Variants in ANAPC4 observed in about 807,000 individuals in gnomAD.
ANAPC4 encodes the protein anaphase-promoting complex subunit 4.
Under a neutral mutation model 119.8 loss-of-function variants are expected in ANAPC4, and 63 were observed. That is an observed-to-expected ratio of 0.53 (90% confidence interval 0.43 to 0.65). The LOEUF (loss-of-function observed/expected upper bound fraction) is 0.65, where lower values mean the gene tolerates loss of function less well. Ranked by LOEUF, ANAPC4 falls within the 30% of genes least tolerant of loss-of-function variation. ANAPC4 has a pLI of 0.00. For synonymous variants in ANAPC4, 283 were observed against 318.6 expected (o/e 0.89, Z 1.19); for missense variants, 716 against 945.1 (o/e 0.76, Z 3.18).
chr4:25,377,624 G>A lies in ANAPC4; in HGVS notation c.129+68G>A, dbSNP rs965117971. Reference sequence around the variant, plus strand: ...CGGGGGGCCCAAGAACACCGAGCCCGAGCCTGTTCATTCGGGCCACAGGCG... The same window carrying A: ...CGGGGGGCCCAAGAACACCGAGCCCAAGCCTGTTCATTCGGGCCACAGGCG... On this transcript the variant is annotated intron_variant, in intron 2 of 28. Coordinates refer to ENST00000315368, the MANE Select transcript of ANAPC4 (RefSeq NM_013367.3). The A allele has an allele frequency of 2.4e-5, 37 of 1,518,668 alleles. No homozygotes were observed. In the Admixed American group the frequency reaches 3.0e-4, roughly 12 times the overall value. 94.1% of individuals were successfully genotyped at this position (1,518,668 alleles called of 1,614,324 possible). A position where few individuals can be genotyped will look rare whatever the true frequency, so the allele number is the denominator to read the frequency against.
At chr4:25,414,223 T>C (rs1308102854) in intron 22 of ANAPC4, 101 bp from the exon 23 acceptor site, 2 of 833,252 alleles carry the variant, frequency 2.4e-6, no homozygotes, top group Non-Finnish European at 3.6e-6. Flanking sequence ...ATGTAGGCGA[T>C]TTTTTTACCA....
rs1416408190 is a variant in ANAPC4, at chr4:25,415,537, G to A, written c.1898G>A (p.Arg633Lys). ...TATGCCACAACAGAAAAAGTCAGAA[G>A]AAGGTAAGTCTTGAATCTTGTTTGG... ...FTYATTEKVR[R>K]SIYSCLDAQF... The change falls in exon 26 of 29, where the codon AGA becomes AAA. Residue 633 changes from arginine to lysine, a missense_variant. This residue lies in a region of ANAPC4 where 504 missense variants were observed against 615.8 expected (regional missense o/e 0.82). Coordinates refer to ENST00000315368, the MANE Select transcript of ANAPC4 (RefSeq NM_013367.3). The A allele has an allele frequency of 6.2e-7, 1 of 1,612,036 alleles. No homozygotes were observed. The highest frequency in any genetic ancestry group is 1.3e-5 in the African/African-American group (1 of 74,862).
rs1210745515 is a variant in ANAPC4 at position 25,379,060 on chromosome 4, G to C, written c.130-1314G>C. 2.0e-5 allele frequency among the ~76,000 whole-genome samples: 3 copies of C among 152,186 alleles called. No individual in the cohort carries two copies. In the East Asian group the frequency reaches 5.8e-4, roughly 29 times the overall value. ...TAGACTGTATCCTGGTGAGGTCAAA[G>C]AATTGGAGTTGAGTGTTGTAGAGAT... On this transcript the variant is annotated intron_variant, in intron 2 of 28. Transcript: ENST00000315368.
In ANAPC4 at chr4:25,406,709, C is replaced by A. The variant is rs1723269614; in HGVS notation, c.1318-120C>A. ...TCTATATTTCTTTGAAAGAACTTTG[C>A]CAGTTTTCCCATGGCTTTTAGTAGA... On this transcript the variant is annotated intron_variant, in intron 18 of 28. Coordinates refer to ENST00000315368, the MANE Select transcript of ANAPC4 (RefSeq NM_013367.3). 6 of 733,730 alleles carry A rather than the reference C, an allele frequency of 8.2e-6. No individual in the cohort carries two copies. The South Asian group carries it at 1.0e-4, about 13-fold the overall frequency. 45.5% of individuals were successfully genotyped at this position (733,730 alleles called of 1,614,324 possible).
At chr4:25,379,998 G>A (rs1721621482) in intron 2 of ANAPC4, among the ~76,000 whole-genome samples, 1 of 152,248 alleles carries the variant, frequency 6.6e-6, no homozygotes, top group Admixed American at 6.5e-5. Flanking sequence ...GAGTGACACA[G>A]CTGAAACTAG....
Position 25,377,310 on chromosome 4 carries a change from G to A in ANAPC4, c.-45G>A. The A allele has an allele frequency of 2.1e-6, 3 of 1,399,404 alleles. No individual in the cohort carries two copies. The highest frequency in any genetic ancestry group is 2.9e-6 in the Non-Finnish European group (3 of 1,044,736). The allele number at this position is 1,399,404 out of a possible 1,614,324, so 86.7% of individuals were successfully genotyped here. A position where few individuals can be genotyped will look rare whatever the true frequency, so the allele number is the denominator to read the frequency against. On this transcript the variant is annotated 5_prime_UTR_variant, in exon 1 of 29. Transcript: ENST00000315368. Reference sequence around the variant, plus strand: ...GGCAGAGGGAGGGGAGAGGCCACTGGGGCCGTGTTAGTCTGCCGGTGGGGA... The same window carrying A: ...GGCAGAGGGAGGGGAGAGGCCACTGAGGCCGTGTTAGTCTGCCGGTGGGGA...
chr4:25,389,961 T>C (rs1722252871), intron 7 of ANAPC4, among the ~76,000 whole-genome samples, 175 bp from the exon 8 acceptor site: 1 of 152,184 alleles, frequency 6.6e-6, no homozygotes, highest in Non-Finnish European at 1.5e-5. Context: ...AAAAAAGGAA[T>C]GAGCCTGATG....
chr4:25,409,865 C>A, intron 21 of ANAPC4, 74 bp downstream of exon 21: 1 of 1,053,270 alleles, frequency 9.5e-7, no homozygotes, highest in South Asian at 1.4e-5. Flanking sequence ...GTTCTGCTAA[C>A]AGTTTTGCTG....
At position 25,416,775 on chromosome 4, in the gene ANAPC4, T is replaced by C. The variant is rs1436805794; in HGVS notation, c.2075+177T>C. The stretch of plus-strand genomic sequence containing the variant: ...TTCAAAATATGCTGGCCTTAATAGC[T>C]TTTTTTGTCCCTTTGCTTTACTAGT... On this transcript the variant is annotated intron_variant, in intron 27 of 28. Transcript: ENST00000315368. 1.2e-5 allele frequency: 5 copies of C among 420,258 alleles called. No homozygotes were observed. In the East Asian group the frequency reaches 1.5e-4, roughly 13 times the overall value. 26.0% of individuals were successfully genotyped at this position (420,258 alleles called of 1,614,324 possible).
chr4:25,402,963 C>T lies in ANAPC4; in HGVS notation c.1215-8C>T, dbSNP rs779044909. ...CTTATTTCTGATTTTTTGTTTTTATCTCTTTAGAGTTATAGATAGTAGTAT... is the reference window on the plus strand; with the variant it reads ...CTTATTTCTGATTTTTTGTTTTTATTTCTTTAGAGTTATAGATAGTAGTAT... On this transcript the variant is annotated splice_polypyrimidine_tract_variant and splice_region_variant and intron_variant, in intron 16 of 28. Coordinates refer to ENST00000315368, the MANE Select transcript of ANAPC4 (RefSeq NM_013367.3). 2 of 1,536,444 alleles carry T rather than the reference C, an allele frequency of 1.3e-6. No individual in the cohort carries two copies. Among genetic ancestry groups the T allele is most frequent in the Non-Finnish European group, 1.8e-6 (2 of 1,124,206 alleles).
intron 21 of ANAPC4, among the ~76,000 whole-genome samples, chr4:25,412,112 C>A (rs1577399776): frequency 6.6e-6 from 1 of 152,052 alleles, no homozygotes; most frequent in Non-Finnish European, 1.5e-5. Flanking sequence ...TCACAAAACT[C>A]CGGGAAACAT....
chr4:25,414,957 C>T (rs150734179), intron 25 of ANAPC4, among the ~76,000 whole-genome samples: 2 of 152,000 alleles, frequency 1.3e-5, no homozygotes, highest in African/African-American at 4.8e-5. Flanking sequence ...TATGACAGCT[C>T]AGGATATTAT....
chr4:25,406,243 G>A (rs1319630182), intron 18 of ANAPC4, among the ~76,000 whole-genome samples: 1 of 152,188 alleles, frequency 6.6e-6, no homozygotes, highest in Non-Finnish European at 1.5e-5. Flanking sequence ...TTGCTAAGTC[G>A]ATCTTTTGCA....
At position 25,407,202 on chromosome 4, in the gene ANAPC4, A is replaced by T. The variant is rs929448172; in HGVS notation, c.1380A>T (p.Pro460=). 6.2e-7 allele frequency: 1 copy of T among 1,604,950 alleles called. No homozygotes were observed. The highest frequency in any genetic ancestry group is 8.5e-7 in the Non-Finnish European group (1 of 1,176,726). ...CTATGTTTATTTTTTTCCAGGCTCCAGACCTTTATAATCGAAAAGGAAAAT... is the reference window on the plus strand; with the variant it reads ...CTATGTTTATTTTTTTCCAGGCTCCTGACCTTTATAATCGAAAAGGAAAAT... ...EFLTEHFNEA[P]DLYNRKGKYF... Residue 460 remains proline (P), a synonymous_variant, in exon 20 of 29, where the codon CCA becomes CCT. Transcript: ENST00000315368.
chr4:25,418,371 C>G lies in ANAPC4; in HGVS notation c.2416C>G (p.Leu806Val). The change falls in exon 29 of 29, where the codon CTA becomes GTA. Residue 806 changes from leucine to valine, a missense_variant. Around this residue, in one of 3 missense-constraint regions of ANAPC4, gnomAD observed 504 missense variants for 615.8 expected, o/e 0.82. Coordinates refer to ENST00000315368, the MANE Select transcript of ANAPC4 (RefSeq NM_013367.3). ...VIKVEKLDPE[L>V]DS ...TAAAGTGGAAAAACTTGACCCTGAG[C>G]TAGACTCCTAATCTAGCTTGCCATT... The G allele has an allele frequency of 6.2e-7, 1 of 1,613,956 alleles. No individual in the cohort carries two copies.
rs1157326154 is a variant in ANAPC4, at chr4:25,377,416, A to G, written c.-10-2A>G. On this transcript the variant is annotated splice_acceptor_variant, in intron 1 of 28. Coordinates refer to ENST00000315368, the MANE Select transcript of ANAPC4 (RefSeq NM_013367.3). LOFTEE classifies it low-confidence loss of function (5UTR_SPLICE). ...CGGCCTCTGACTGGGGTGTCGTTGC[A>G]GGGCCGTCCCCATGTTGCGTTTTCC... 1.2e-6 allele frequency: 2 copies of G among 1,613,534 alleles called. No homozygotes were observed. The highest frequency in any genetic ancestry group is 1.7e-6 in the Non-Finnish European group (2 of 1,179,810).
chr4:25,402,929 C>T (rs971948300), intron 16 of ANAPC4, 42 bp from the exon 17 acceptor site: 3 of 1,185,048 alleles, frequency 2.5e-6, no homozygotes, highest in South Asian at 2.8e-5. Flanking sequence ...GAATCCCCCA[C>T]ACACTAATCT....
At chr4:25,402,600 G>C (rs564210379) in intron 16 of ANAPC4, among the ~76,000 whole-genome samples, 3 of 152,092 alleles carry the variant, frequency 2.0e-5, no homozygotes, top group Non-Finnish European at 4.4e-5. Context: ...TGACCAATGA[G>C]TATTTTCTTT....
At chr4:25,413,361 AT>A (rs1723683415) in intron 21 of ANAPC4, 1 of 291,226 alleles carries the variant, frequency 3.4e-6, no homozygotes, top group Non-Finnish European at 6.3e-6. Context: ...TTCCCAAATC[AT>A]TCCTTGCTTC....
Sources: gnomAD v4.1 joint callset for allele counts (sites outside exome capture counted in the v4.1 genomes callset) on GRCh38, gnomAD v4.1.1 for gene constraint, gnomAD v4.1.1 regional missense constraint, MANE v1.5 for transcripts, NCBI Gene and HGNC (gene_info 2026-07-23, HGNC 2026-07-21) for gene names.